SNTG1: variants seen among roughly 807,000 people sequenced by gnomAD.
SNTG1 encodes the protein gamma-1-syntrophin.
A neutral mutation model predicts 74.7 loss-of-function variants in SNTG1; 39 were observed. That is an observed-to-expected ratio of 0.52 (90% CI 0.40 to 0.68). The LOEUF is 0.68. SNTG1 is among the 30% of genes least tolerant of loss of function. The pLI is 0.00. For missense variants in SNTG1, 685 were observed against 609.5 expected (o/e 1.12, Z -1.30); for synonymous variants, 254 against 217.1 (o/e 1.17, Z -1.49).
chr8:50,380,201 A>T (rs2131220177), intron 2 of SNTG1, among the ~76,000 whole-genome samples: 1 of 152,370 alleles, frequency 6.6e-6, no homozygotes, highest in Middle Eastern at 3.4e-3. Flanking sequence ...TCCAAGGTAC[A>T]TATTGTTAAA....
At chr8:50,461,898 G>T (rs1326678475) in intron 8 of SNTG1, among the ~76,000 whole-genome samples, 2 of 152,060 alleles carry the variant, frequency 1.3e-5, no homozygotes, top group Non-Finnish European at 2.9e-5. Flanking sequence ...TTCTAGATGT[G>T]CAAAGTAGTG....
At chr8:50,382,576 T>A (rs1380091558) in intron 2 of SNTG1, among the ~76,000 whole-genome samples, 2 of 152,212 alleles carry the variant, frequency 1.3e-5, no homozygotes, top group Non-Finnish European at 2.9e-5. Flanking sequence ...GGAATCCAGA[T>A]AATGGGACTG....
intron 15 of SNTG1, among the ~76,000 whole-genome samples, chr8:50,679,171 A>G (rs542582746): frequency 6.6e-6 from 1 of 152,188 alleles, no homozygotes; most frequent in Non-Finnish European, 1.5e-5. Context: ...GCTACCATTT[A>G]TTTCTGGAAA....
chr8:50,400,214 T>G (rs1263862227), intron 3 of SNTG1, among the ~76,000 whole-genome samples: 1 of 152,226 alleles, frequency 6.6e-6, no homozygotes, highest in Non-Finnish European at 1.5e-5. Flanking sequence ...GATAGCATGC[T>G]CCTTAAATCT....
At chr8:50,548,260 G>A (rs992629240) in intron 11 of SNTG1, among the ~76,000 whole-genome samples, 2 of 152,142 alleles carry the variant, frequency 1.3e-5, no homozygotes, top group African/African-American at 2.4e-5. Context: ...AAATAACCAC[G>A]TAATTTGTGT....
chr8:50,294,767 C>G (rs1256524446), intron 2 of SNTG1, among the ~76,000 whole-genome samples: 1 of 152,136 alleles, frequency 6.6e-6, no homozygotes, highest in Non-Finnish European at 1.5e-5. Flanking sequence ...CATGGCTCAG[C>G]CAAATTGACA....
intron 11 of SNTG1, among the ~76,000 whole-genome samples, chr8:50,550,693 G>GTGTATATATATA (rs1554571332): frequency 3.7e-4 from 55 of 149,096 alleles, no homozygotes; most frequent in African/African-American, 1.3e-3. Flanking sequence ...TAGTGTGTGT[G>GTGTATATATATA]TATATATATA....
chr8:49,994,652 A>T (rs1334857350), intron 1 of SNTG1, among the ~76,000 whole-genome samples: 1 of 152,094 alleles, frequency 6.6e-6, no homozygotes, highest in Non-Finnish European at 1.5e-5. Context: ...GGCTAAAAAA[A>T]ACTGTTAAAT....
chr8:49,961,276 T>A (rs1289119511), intron 1 of SNTG1, among the ~76,000 whole-genome samples: 1 of 152,238 alleles, frequency 6.6e-6, no homozygotes. Flanking sequence ...CTAACATTGA[T>A]ATTTTATTTA....
chr8:50,520,626 CT>C (rs1385614055), intron 9 of SNTG1, among the ~76,000 whole-genome samples: 4 of 152,148 alleles, frequency 2.6e-5, no homozygotes, highest in African/African-American at 7.2e-5. Flanking sequence ...TGAACAGACA[CT>C]TCTCAAAAGA....
chr8:49,964,631 G>A (rs1264771135), intron 1 of SNTG1, among the ~76,000 whole-genome samples: 1 of 152,136 alleles, frequency 6.6e-6, no homozygotes, highest in African/African-American at 2.4e-5. Context: ...TTCCCATGTG[G>A]GAAACCTCTG....
intron 1 of SNTG1, among the ~76,000 whole-genome samples, chr8:49,933,716 T>A (rs1421471895): frequency 2.6e-5 from 4 of 152,242 alleles, no homozygotes; most frequent in Non-Finnish European, 4.4e-5. Context: ...TGATGTCCAG[T>A]CTCATCCAAA....
At chr8:50,357,630 G>A (rs1409452031) in intron 2 of SNTG1, among the ~76,000 whole-genome samples, 1 of 152,266 alleles carries the variant, frequency 6.6e-6, no homozygotes, top group South Asian at 2.1e-4. Flanking sequence ...ACTGAAGCAG[G>A]TTTAATGTTG....
intron 1 of SNTG1, among the ~76,000 whole-genome samples, chr8:49,974,931 G>C (rs1012780369): frequency 6.6e-6 from 1 of 152,050 alleles, no homozygotes; most frequent in East Asian, 1.9e-4. Context: ...ACTTCTCTGT[G>C]ACTAACATTC....
At chr8:50,775,507 T>C (rs893439578) in intron 18 of SNTG1, among the ~76,000 whole-genome samples, 1 of 151,740 alleles carries the variant, frequency 6.6e-6, no homozygotes, top group Non-Finnish European at 1.5e-5. Context: ...ATGACTTTAA[T>C]TATTTTAAAT....
intron 1 of SNTG1, among the ~76,000 whole-genome samples, chr8:50,072,312 A>G (rs563432440): frequency 2.6e-4 from 40 of 152,362 alleles, no homozygotes; most frequent in African/African-American, 8.4e-4. Context: ...GCTGAGACAT[A>G]TAGGTATCCA....
intron 13 of SNTG1, among the ~76,000 whole-genome samples, chr8:50,605,811 T>G (rs1259674589): frequency 6.6e-6 from 1 of 152,138 alleles, no homozygotes; most frequent in East Asian, 1.9e-4. Context: ...CCACGGAGGC[T>G]TTTATTCAGC....
chr8:50,089,799 A>G (rs537116829), intron 1 of SNTG1, among the ~76,000 whole-genome samples: 2 of 152,246 alleles, frequency 1.3e-5, no homozygotes, highest in South Asian at 4.2e-4. Flanking sequence ...ACACTTTTAC[A>G]CTGTCGGTGG....
At chr8:50,067,320 T>G (rs1168076954) in intron 1 of SNTG1, among the ~76,000 whole-genome samples, 1 of 152,204 alleles carries the variant, frequency 6.6e-6, no homozygotes, top group Non-Finnish European at 1.5e-5. Context: ...AACTATTAAT[T>G]TACACACCAT....
Sources: gnomAD v4.1 joint callset for allele counts (sites outside exome capture counted in the v4.1 genomes callset) on GRCh38, gnomAD v4.1.1 for gene constraint, MANE v1.5 for transcripts, NCBI Gene and HGNC (gene_info 2026-07-23, HGNC 2026-07-21) for gene names.